The following TMPRSS11A variants were observed in gnomAD, a reference collection of about 807,000 sequenced individuals.
TMPRSS11A encodes the protein transmembrane serine protease 11A.
In TMPRSS11A, 53 loss-of-function variants were observed where a neutral mutation model predicts 58.9. That is an observed-to-expected ratio of 0.90 (90% CI 0.72 to 1.13). The LOEUF (loss-of-function observed/expected upper bound fraction) is 1.13. Among genes scored for constraint, TMPRSS11A ranks in the 50% most tolerant of loss-of-function variants. The pLI is 0.00. For synonymous variants in TMPRSS11A, 167 were observed against 169.8 expected, an observed-to-expected ratio of 0.98 and a Z score of 0.13; for missense variants, 493 against 499.3, an observed-to-expected ratio of 0.99 and a Z score of 0.12.
chr4:67,956,626 T>C (rs574261966), intron 1 of TMPRSS11A, among the ~76,000 whole-genome samples: 6 of 152,290 alleles, frequency 3.9e-5, no homozygotes, highest in African/African-American at 1.4e-4. Flanking sequence ...ATGAGATAAT[T>C]TGCACGAAAT....
At chr4:67,954,234 C>T (rs572626989) in intron 1 of TMPRSS11A, among the ~76,000 whole-genome samples, 28 of 152,330 alleles carry the variant, frequency 1.8e-4, no homozygotes, top group African/African-American at 6.7e-4. Context: ...TAAAGCATAA[C>T]TCAGGAGATT....
At position 67,910,612 on chromosome 4, in the gene TMPRSS11A, T is replaced by G. The variant is rs1719939943; in HGVS notation, c.*730A>C. ...CCAAATTTTTAACAAATATATAGTT[T>G]TGATTAACTAATCACTCTATCTATC... On this transcript the variant is annotated 3_prime_UTR_variant, in exon 10 of 10. Coordinates refer to ENST00000508048, the MANE Select transcript of TMPRSS11A (RefSeq NM_001114387.2). 1 of 152,118 alleles carries G rather than the reference T, an allele frequency of 6.6e-6. No homozygotes were observed. 9.4% of individuals were successfully genotyped at this position (152,118 alleles called of 1,614,324 possible).
chr4:67,922,722 G>A (rs2109741028), intron 7 of TMPRSS11A, 33 bp downstream of exon 7: 1 of 1,583,416 alleles, frequency 6.3e-7, no homozygotes. Context: ...CTTTTTAGCA[G>A]AAGTGGGTTC....
intron 1 of TMPRSS11A, among the ~76,000 whole-genome samples, chr4:67,955,844 A>G (rs997466925): frequency 2.6e-5 from 4 of 152,238 alleles, no homozygotes; most frequent in Non-Finnish European, 4.4e-5. Flanking sequence ...GAAACTCATG[A>G]AGCATTGTAA....
intron 5 of TMPRSS11A, among the ~76,000 whole-genome samples, chr4:67,928,292 C>G (rs911720362): frequency 6.6e-6 from 1 of 152,148 alleles, no homozygotes; most frequent in African/African-American, 2.4e-5. Flanking sequence ...GTGATCCACC[C>G]GCCTCGGCCT....
At position 67,910,381 on chromosome 4, in the gene TMPRSS11A, G is replaced by A. The variant is rs909612798; in HGVS notation, c.*961C>T. 6.6e-6 allele frequency: 1 copy of A among 151,994 alleles called. No individual in the cohort carries two copies. Among genetic ancestry groups the A allele is most frequent in the Non-Finnish European group, 1.5e-5 (1 of 67,926 alleles). The allele number at this position is 151,994 out of a possible 1,614,324, so 9.4% of individuals were successfully genotyped here. On this transcript the variant is annotated 3_prime_UTR_variant, in exon 10 of 10. Transcript: ENST00000508048. ...GCTATTTGGCTGTAGCAATGCGAGGGCATAAAATTTTTCTTGCTACGGAGG... is the reference window on the plus strand; with the variant it reads ...GCTATTTGGCTGTAGCAATGCGAGGACATAAAATTTTTCTTGCTACGGAGG...
chr4:67,963,460 TGAC>T lies in TMPRSS11A; in HGVS notation c.-70_-68del. 6.5e-7 allele frequency: 1 copy of T among 1,549,574 alleles called. No homozygotes were observed. Among genetic ancestry groups the T allele is most frequent in the Non-Finnish European group, 8.9e-7 (1 of 1,125,528 alleles). ...GAACTCAACTTTCTAATCAACTATA[TGAC>T]ATCTCTAGATGTATTAGAAGTCTAC... On this transcript the variant is annotated 5_prime_UTR_variant, in exon 1 of 10. It removes an upstream start codon present in the reference 5' UTR. Coordinates refer to ENST00000508048, the MANE Select transcript of TMPRSS11A (RefSeq NM_001114387.2).
rs567627399 is a variant in TMPRSS11A at position 67,934,017 on chromosome 4, G to T, written c.253-1957C>A. 1.8e-4 allele frequency among the ~76,000 whole-genome samples: 27 copies of T among 152,214 alleles called. No homozygotes were observed. The South Asian group carries it at 4.1e-3, about 23-fold the overall frequency. Reference sequence around the variant, plus strand: ...TAAACCAAGCACCAATTTTATCTTTGAATTGTTAGGTTGTCTGGGAAGATA... The same window carrying T: ...TAAACCAAGCACCAATTTTATCTTTTAATTGTTAGGTTGTCTGGGAAGATA... On this transcript the variant is annotated intron_variant, in intron 3 of 9. Coordinates refer to ENST00000508048, the MANE Select transcript of TMPRSS11A (RefSeq NM_001114387.2).
intron 5 of TMPRSS11A, among the ~76,000 whole-genome samples, chr4:67,928,488 C>G (rs1266073463): frequency 1.3e-5 from 2 of 152,244 alleles, no homozygotes; most frequent in African/African-American, 4.8e-5. Flanking sequence ...ATGCTTTACT[C>G]TGGTTTCAGA....
intron 1 of TMPRSS11A, among the ~76,000 whole-genome samples, chr4:67,958,206 T>C (rs1458726624): frequency 1.3e-5 from 2 of 152,166 alleles, no homozygotes; most frequent in Admixed American, 1.3e-4. Context: ...TGCTGCCTAA[T>C]GGAGCTGTAA....
At chr4:67,912,941 G>A (rs1452163440) in intron 9 of TMPRSS11A, among the ~76,000 whole-genome samples, 1 of 151,978 alleles carries the variant, frequency 6.6e-6, no homozygotes, top group East Asian at 1.9e-4. Context: ...TGGATCTCCT[G>A]AGCTTATCCT....
intron 5 of TMPRSS11A, among the ~76,000 whole-genome samples, chr4:67,924,674 G>A (rs1720420390): frequency 6.6e-6 from 1 of 152,198 alleles, no homozygotes; most frequent in African/African-American, 2.4e-5. Context: ...GTCTTACATG[G>A]TGGCAAGCAA....
intron 8 of TMPRSS11A, among the ~76,000 whole-genome samples, chr4:67,918,564 A>G (rs1210273357): frequency 2.6e-5 from 4 of 152,110 alleles, no homozygotes; most frequent in Non-Finnish European, 5.9e-5. Flanking sequence ...CTTTCTATGT[A>G]TTTTTTCTTT....
At chr4:67,913,952 C>T (rs1467163890) in intron 9 of TMPRSS11A, among the ~76,000 whole-genome samples, 1 of 152,190 alleles carries the variant, frequency 6.6e-6, no homozygotes, top group African/African-American at 2.4e-5. Context: ...TGTTAGAAGG[C>T]AGATGAGGGC....
chr4:67,933,584 T>C (rs1021324687), intron 3 of TMPRSS11A, among the ~76,000 whole-genome samples: 1 of 152,212 alleles, frequency 6.6e-6, no homozygotes, highest in Non-Finnish European at 1.5e-5. Context: ...ATCCAAAATA[T>C]GTCTTTATTG....
chr4:67,936,611 A>G (rs933883189), intron 3 of TMPRSS11A, among the ~76,000 whole-genome samples: 1 of 152,148 alleles, frequency 6.6e-6, no homozygotes, highest in Non-Finnish European at 1.5e-5. Context: ...GGGATGTGAT[A>G]TTTTGTGATG....
intron 1 of TMPRSS11A, among the ~76,000 whole-genome samples, chr4:67,953,535 A>T (rs1721212437): frequency 6.6e-6 from 1 of 152,190 alleles, no homozygotes; most frequent in African/African-American, 2.4e-5. Flanking sequence ...GTGGTGGCTC[A>T]CGCCTGTAAT....
At position 67,910,200 on chromosome 4, in the gene TMPRSS11A, C is replaced by A. The variant is rs1157556330; in HGVS notation, c.*1142G>T. Reference sequence around the variant, plus strand: ...GTTTTCTCTTGTGGACCACATATAACAAAGTGGTCCAAAAGAGAAAACATA... The same window carrying A: ...GTTTTCTCTTGTGGACCACATATAAAAAAGTGGTCCAAAAGAGAAAACATA... On this transcript the variant is annotated 3_prime_UTR_variant, in exon 10 of 10. Transcript: ENST00000508048. The A allele has an allele frequency of 1.3e-5, 2 of 151,870 alleles. No homozygotes were observed. The highest frequency in any genetic ancestry group is 1.9e-4 in the East Asian group (1 of 5,176). 9.4% of individuals were successfully genotyped at this position (151,870 alleles called of 1,614,324 possible).
rs1454552810 is a variant in TMPRSS11A, at chr4:67,911,302, G to A, written c.*40C>T. The A allele has an allele frequency of 6.3e-7, 1 of 1,594,400 alleles. No homozygotes were observed. On this transcript the variant is annotated 3_prime_UTR_variant, in exon 10 of 10. Coordinates refer to ENST00000508048, the MANE Select transcript of TMPRSS11A (RefSeq NM_001114387.2). ...AATAGTTGAATTCTCATGCATATATGACCTGCATACAGCTTTCTTTGTTTA... is the reference window on the plus strand; with the variant it reads ...AATAGTTGAATTCTCATGCATATATAACCTGCATACAGCTTTCTTTGTTTA...
Sources: gnomAD v4.1 joint callset for allele counts (sites outside exome capture counted in the v4.1 genomes callset) on GRCh38, gnomAD v4.1.1 for gene constraint, MANE v1.5 for transcripts, NCBI Gene and HGNC (gene_info 2026-07-23, HGNC 2026-07-21) for gene names.